Variants in IRAG2 observed in about 807,000 individuals in gnomAD.
IRAG2 encodes the protein inositol 1,4,5-triphosphate receptor associated 2.
A neutral mutation model predicts 69.9 loss-of-function variants in IRAG2; 45 were observed. The observed-to-expected ratio is 0.64, with a 90% CI of 0.51 to 0.83. IRAG2 has a LOEUF of 0.83. IRAG2 is among the 40% of genes least tolerant of loss of function. The pLI is 0.00. For synonymous variants in IRAG2, 193 were observed against 202.4 expected, an observed-to-expected ratio of 0.95 and a Z score of 0.40; for missense variants, 520 against 587.0, an observed-to-expected ratio of 0.89 and a Z score of 1.18.
upstream of IRAG2, chr12:25,052,627 A>G (rs1057182605): frequency 7.5e-6 from 3 of 397,396 alleles, no homozygotes; most frequent in African/African-American, 6.2e-5. Context: ...TAGCTCAGGC[A>G]TACCAAGCCC....
intron 6 of IRAG2, chr12:25,076,661 T>G: frequency 1.0e-6 from 1 of 966,444 alleles, no homozygotes; most frequent in Non-Finnish European, 1.2e-6. Context: ...AAGGCTTTTC[T>G]GACAAGTGTG....
Position 25,104,465 on chromosome 12 carries a change from AG to A in IRAG2, c.1148+5del. ...GAAGAAGAAAAATGTGAACTAAAGT[AG>A]GTGAAGCTCAGTGTGTTTATTAACC... On this transcript the variant is annotated splice_donor_region_variant and intron_variant, in intron 20 of 21. Coordinates refer to ENST00000556887, the MANE Select transcript of IRAG2 (RefSeq NM_001366544.2). 1 of 1,558,488 alleles carries A rather than the reference AG, an allele frequency of 6.4e-7. No individual in the cohort carries two copies. The highest frequency in any genetic ancestry group is 8.9e-7 in the Non-Finnish European group (1 of 1,129,294).
chr12:25,015,161 T>TTC, intron 3 of IRAG2: 1 of 1,010,858 alleles, frequency 9.9e-7, no homozygotes, highest in Non-Finnish European at 1.2e-6. Flanking sequence ...TTTTGTTTTT[T>TTC]TTTTTTTTTT....
At chr12:24,999,951 T>A (rs143162210), upstream of IRAG2, among the ~76,000 whole-genome samples, 1 of 152,372 alleles carries the variant, frequency 6.6e-6, no homozygotes, top group East Asian at 1.9e-4. Context: ...ATTGTTTATC[T>A]GAGATTAAAA....
At chr12:25,095,120 T>C (rs1948335546) in intron 14 of IRAG2, among the ~76,000 whole-genome samples, 1 of 152,186 alleles carries the variant, frequency 6.6e-6, no homozygotes, top group Non-Finnish European at 1.5e-5. Context: ...TGAATAATAT[T>C]GGTGAGAGTG....
At chr12:25,066,169 C>T (rs1284396419) in intron 4 of IRAG2, among the ~76,000 whole-genome samples, 196 bp from the exon 5 acceptor site, 1 of 151,794 alleles carries the variant, frequency 6.6e-6, no homozygotes, top group African/African-American at 2.4e-5. Context: ...CTATCATTCC[C>T]AAATGCTTTG....
chr12:25,041,312 T>A (rs1944746871), intron 16 of IRAG2, among the ~76,000 whole-genome samples: 1 of 152,174 alleles, frequency 6.6e-6, no homozygotes, highest in African/African-American at 2.4e-5. Flanking sequence ...TGAGAAGCCA[T>A]CAGAGGGTTA....
chr12:25,051,732 G>A (rs1396801103), upstream of IRAG2, among the ~76,000 whole-genome samples: 4 of 152,212 alleles, frequency 2.6e-5, no homozygotes, highest in Non-Finnish European at 4.4e-5. Context: ...TCCTGTGCTC[G>A]TGGCACGTGT....
At chr12:25,100,242 G>A (rs983171818) in intron 15 of IRAG2, among the ~76,000 whole-genome samples, 9 of 151,974 alleles carry the variant, frequency 5.9e-5, no homozygotes, top group African/African-American at 4.8e-5. Flanking sequence ...AAGCAAAGAA[G>A]GAATAGTGTT....
chr12:25,059,375 G>C (rs1396525822), intron 1 of IRAG2, among the ~76,000 whole-genome samples: 1 of 152,158 alleles, frequency 6.6e-6, no homozygotes, highest in African/African-American at 2.4e-5. Flanking sequence ...CCCTGAGACA[G>C]AGTCTTGCTC....
At chr12:25,087,768 C>A (rs1227873954) in intron 10 of IRAG2, among the ~76,000 whole-genome samples, 1 of 152,154 alleles carries the variant, frequency 6.6e-6, no homozygotes, top group Non-Finnish European at 1.5e-5. Context: ...ACCACCTGAC[C>A]TCTGCCTCCT....
upstream of IRAG2, among the ~76,000 whole-genome samples, chr12:25,051,823 C>G (rs549313256): frequency 6.6e-6 from 1 of 152,278 alleles, no homozygotes; most frequent in African/African-American, 2.4e-5. Context: ...TTCCCTCCCC[C>G]TACCTTTACC....
intron 10 of IRAG2, among the ~76,000 whole-genome samples, chr12:25,085,284 T>C (rs1339085947): frequency 2.0e-5 from 3 of 152,160 alleles, no homozygotes; most frequent in African/African-American, 7.2e-5. Flanking sequence ...TACTGAGTGG[T>C]GGAGGTGGCT....
At chr12:25,038,417 C>T (rs977411001) in intron 16 of IRAG2, among the ~76,000 whole-genome samples, 2 of 152,058 alleles carry the variant, frequency 1.3e-5, no homozygotes, top group East Asian at 1.9e-4. Context: ...CTAAGGTGGG[C>T]GAATCACCTG....
At chr12:25,105,607 T>G (rs1472994090) in intron 20 of IRAG2, among the ~76,000 whole-genome samples, 1 of 151,030 alleles carries the variant, frequency 6.6e-6, no homozygotes, top group Non-Finnish European at 1.5e-5. Flanking sequence ...TCTTTTCAGA[T>G]TTAGAGTTAA....
intron 2 of IRAG2, 86 bp downstream of exon 2, chr12:25,061,739 A>G (rs1452796039): frequency 2.5e-6 from 1 of 397,706 alleles, no homozygotes; most frequent in East Asian, 3.6e-5. Context: ...ATAACAGACA[A>G]TGACTTTAAT....
chr12:25,022,535 C>T (rs150101172), intron 7 of IRAG2, among the ~76,000 whole-genome samples: 4 of 152,204 alleles, frequency 2.6e-5, no homozygotes, highest in South Asian at 2.1e-4. Flanking sequence ...GTCCTAGATA[C>T]GGAATCCTAA....
intron 10 of IRAG2, 126 bp downstream of exon 10, chr12:25,083,619 AT>A: frequency 1.7e-6 from 1 of 587,204 alleles, no homozygotes; most frequent in African/African-American, 1.9e-5. Flanking sequence ...CGTTCATATA[AT>A]TTAATTAATA....
intron 1 of IRAG2, chr12:25,004,993 A>G (rs859137): frequency 0.17 from 156,275 of 894,606 alleles, 15,346 homozygotes; most frequent in African/African-American, 0.37. Context: ...TGAACTAAAA[A>G]AAAATCTACA....
Sources: allele counts gnomAD v4.1 joint callset (sites outside exome capture counted in the v4.1 genomes callset), GRCh38; gene constraint gnomAD v4.1.1; transcripts MANE v1.5; gene names NCBI Gene and HGNC (gene_info 2026-07-23, HGNC 2026-07-21).